Variants in MAST4 observed in about 807,000 individuals in gnomAD.
The protein encoded by MAST4 is microtubule associated serine/threonine kinase family member 4, also known as microtubule-associated serine/threonine-protein kinase 4.
In MAST4, 89 loss-of-function variants were observed where a neutral mutation model predicts 162.7. The observed-to-expected ratio is 0.55, with a 90% confidence interval of 0.46 to 0.65. The LOEUF is 0.65. MAST4 is among the 30% of genes least tolerant of loss of function. The probability of loss-of-function intolerance (pLI) is 0.00; values close to 1 mark genes in which losing one functional copy is unlikely to be tolerated. For missense variants in MAST4, 3,153 were observed against 3,374.0 expected, an observed-to-expected ratio of 0.93 and a Z score of 1.62; for synonymous variants, 1,479 against 1,361.1, an observed-to-expected ratio of 1.09 and a Z score of -1.91.
chr5:67,165,070 C>G lies in MAST4; in HGVS notation c.5891C>G (p.Ser1964Ter). Residue 1964 changes from serine (S) to a stop codon, truncating the protein, a stop_gained, in exon 29 of 29, where the codon TCA (serine) becomes TGA (stop). Coordinates refer to ENST00000403625, the MANE Select transcript of MAST4 (RefSeq NM_001164664.2). LOFTEE classifies it low-confidence loss of function (END_TRUNC). ...RCPLPPEASP[S>*]REKPGLRESS... The stretch of plus-strand genomic sequence containing the variant: ...CCGCTCCCACCTGAAGCTTCCCCCT[C>G]AAGGGAGAAGCCAGGCCTGAGGGAA... The G allele has an allele frequency of 6.2e-7, 1 of 1,600,712 alleles. No individual in the cohort carries two copies. The highest frequency in any genetic ancestry group is 1.3e-5 in the African/African-American group (1 of 74,652).
intron 3 of MAST4, among the ~76,000 whole-genome samples, chr5:66,874,555 G>C (rs1761163228): frequency 6.6e-6 from 1 of 152,158 alleles, no homozygotes; most frequent in South Asian, 2.1e-4. Flanking sequence ...CATAGCATCT[G>C]ATCAATTTCA....
chr5:67,100,352 A>C, intron 7 of MAST4, 83 bp from the exon 8 acceptor site: 1 of 1,389,120 alleles, frequency 7.2e-7, no homozygotes, highest in Non-Finnish European at 1.0e-6. Flanking sequence ...GGTATTGTCC[A>C]AGTTTAACTC....
intron 1 of MAST4, among the ~76,000 whole-genome samples, chr5:66,660,161 G>A (rs1746810035): frequency 2.0e-5 from 3 of 152,190 alleles, no homozygotes; most frequent in Non-Finnish European, 4.4e-5. Flanking sequence ...GGCTGAGGTG[G>A]GTGGATCACC....
intron 26 of MAST4, among the ~76,000 whole-genome samples, chr5:67,155,078 A>G (rs1173019950): frequency 6.6e-6 from 1 of 152,236 alleles, no homozygotes; most frequent in Non-Finnish European, 1.5e-5. Context: ...GTGTAGGTGT[A>G]TGTTTAGAAC....
chr5:67,166,792 C>T lies in MAST4; in HGVS notation c.7613C>T (p.Pro2538Leu). ...CCTCTGGAGTCACACCACCCCGACC[C>T]AAACACCATGGGCGGGGCCAGCCAC... ...TLPLESHHPD[P>L]NTMGGASHRD... is the part of the protein sequence containing the mutation. Residue 2538 changes from proline to leucine, a missense_variant, in exon 29 of 29, where the codon CCA becomes CTA. Physicochemically the swap from Pro to Leu is moderately conservative, Grantham distance 98. This residue lies in a region of MAST4 where 1,644 missense variants were observed against 1,495.0 expected (regional missense o/e 1.10). Coordinates refer to ENST00000403625, the MANE Select transcript of MAST4 (RefSeq NM_001164664.2). The T allele has an allele frequency of 6.2e-7, 1 of 1,603,174 alleles. No homozygotes were observed. Among genetic ancestry groups the T allele is most frequent in the Non-Finnish European group, 8.5e-7 (1 of 1,175,420 alleles).
chr5:66,788,607 C>CCAAACAAAAAAAAAAAA, intron 2 of MAST4, 63 bp from the exon 3 acceptor site: 21 of 1,373,682 alleles, frequency 1.5e-5, no homozygotes, highest in East Asian at 2.7e-5. Context: ...CCCCCACCCC[C>CCAAACAAAAAAAAAAAA]ATTGCAATAA....
intron 3 of MAST4, among the ~76,000 whole-genome samples, chr5:66,860,295 T>C (rs1419628126): frequency 6.6e-6 from 1 of 152,262 alleles, no homozygotes; most frequent in African/African-American, 2.4e-5. Flanking sequence ...AACTGCTATA[T>C]GTAACTGCTA....
chr5:66,675,098 T>C (rs1747861028), intron 1 of MAST4, among the ~76,000 whole-genome samples: 1 of 152,194 alleles, frequency 6.6e-6, no homozygotes, highest in Non-Finnish European at 1.5e-5. Flanking sequence ...TGAACTGCCC[T>C]CGCCTTCTGT....
At chr5:67,078,917 T>TATATATATATAATATATATATATATA (rs1554093895) in intron 5 of MAST4, among the ~76,000 whole-genome samples, 13 of 55,106 alleles carry the variant, frequency 2.4e-4, no homozygotes, top group African/African-American at 5.3e-4. Flanking sequence ...TATAAATATA[T>TATATATATATAATATATATATATATA]ATATATATAT....
At chr5:66,650,848 A>G (rs529883253) in intron 1 of MAST4, among the ~76,000 whole-genome samples, 1 of 152,374 alleles carries the variant, frequency 6.6e-6, no homozygotes, top group African/African-American at 2.4e-5. Flanking sequence ...GGTAAAACCT[A>G]GGCTCCAAAC....
At chr5:66,995,134 T>C (rs1321313400) in intron 4 of MAST4, among the ~76,000 whole-genome samples, 3 of 148,972 alleles carry the variant, frequency 2.0e-5, no homozygotes, top group African/African-American at 7.3e-5. Flanking sequence ...CATTTTTATA[T>C]TATAGAATTC....
At position 67,164,380 on chromosome 5, in the gene MAST4, C is replaced by T. The variant is rs760255627; in HGVS notation, c.5201C>T (p.Pro1734Leu). ...RPTGGQQEPP[P>L]ASESRAFVSS... is the part of the protein sequence containing the mutation. ...ACGGGTGGGCAGCAGGAGCCCCCGC[C>T]GGCTTCTGAGAGCCGAGCTTTTGTC... The change falls in exon 29 of 29, where the codon CCG (proline) becomes CTG (leucine). Residue 1734 changes from proline to leucine, a missense_variant. Physicochemically the swap from Pro to Leu is moderately conservative, Grantham distance 98. Transcript: ENST00000403625. The surrounding 1 kb of genome is among the most constrained non-coding windows in gnomAD (Gnocchi z 5.3). 1.3e-5 allele frequency: 21 copies of T among 1,614,004 alleles called. No individual in the cohort carries two copies. The Middle Eastern group carries it at 5.0e-4, about 38-fold the overall frequency.
intron 5 of MAST4, among the ~76,000 whole-genome samples, chr5:67,087,151 C>T (rs754670116): frequency 3.9e-5 from 6 of 152,138 alleles, no homozygotes; most frequent in Middle Eastern, 3.2e-3. Context: ...GTTACCACCA[C>T]GACTCCATTT....
intron 1 of MAST4, among the ~76,000 whole-genome samples, chr5:66,704,898 A>G (rs1750031462): frequency 6.6e-6 from 1 of 152,116 alleles, no homozygotes; most frequent in Admixed American, 6.5e-5. Flanking sequence ...TGCTTCTCGG[A>G]AAGCAGTCAG....
At chr5:66,883,119 A>C (rs920936225) in intron 3 of MAST4, among the ~76,000 whole-genome samples, 1 of 152,236 alleles carries the variant, frequency 6.6e-6, no homozygotes, top group Admixed American at 6.5e-5. Context: ...AACTCTTCAA[A>C]GGAAAGAAGA....
chr5:67,157,369 T>C (rs1772659694), intron 26 of MAST4, among the ~76,000 whole-genome samples: 1 of 152,252 alleles, frequency 6.6e-6, no homozygotes, highest in Non-Finnish European at 1.5e-5. Context: ...GAAACAGAAC[T>C]GGGCTTGGTC....
At chr5:66,645,597 T>C (rs958081561) in intron 1 of MAST4, among the ~76,000 whole-genome samples, 1 of 152,224 alleles carries the variant, frequency 6.6e-6, no homozygotes, top group Non-Finnish European at 1.5e-5. Context: ...GAAGGTATTT[T>C]ATGCTTTAAT....
In MAST4 at chr5:66,911,567, C is replaced by G. The variant is rs1403935415; in HGVS notation, c.674+11585C>G. Reference sequence around the variant, plus strand: ...CAAACAAACAACAACAACCCCCCCCCCCCCCCCCGCAAAAAAAAATTAGCT... The same window carrying G: ...CAAACAAACAACAACAACCCCCCCCGCCCCCCCCGCAAAAAAAAATTAGCT... On this transcript the variant is annotated intron_variant, in intron 4 of 28. Coordinates refer to ENST00000403625, the MANE Select transcript of MAST4 (RefSeq NM_001164664.2). Among the ~76,000 whole-genome samples, 87 of 76,876 alleles carry G rather than the reference C, an allele frequency of 1.1e-3. 12 individuals are homozygous for G. Among genetic ancestry groups the G allele is most frequent in the African/African-American group, 4.1e-3 (84 of 20,262 alleles). 50.4% of individuals were successfully genotyped at this position (76,876 alleles called of 152,430 possible). A position where few individuals can be genotyped will look rare whatever the true frequency, so the allele number is the denominator to read the frequency against.
At chr5:67,148,321 A>C (rs900404485) in intron 23 of MAST4, among the ~76,000 whole-genome samples, 1 of 152,226 alleles carries the variant, frequency 6.6e-6, no homozygotes, top group Non-Finnish European at 1.5e-5. Context: ...ATGTGCTATC[A>C]ATGATGTTTT....
Sources: gnomAD v4.1 joint callset for allele counts (sites outside exome capture counted in the v4.1 genomes callset) on GRCh38, gnomAD v4.1.1 for gene constraint, gnomAD v4.1.1 regional missense constraint, Gnocchi (gnomAD v3.1) non-coding constraint, MANE v1.5 for transcripts, NCBI Gene and HGNC (gene_info 2026-07-23, HGNC 2026-07-21) for gene names.